Variants in WDR7 observed in about 807,000 individuals in gnomAD.
WDR7 encodes WD repeat-containing protein 7.
In WDR7, 46 loss-of-function variants were observed where a neutral mutation model predicts 169.4. That is an observed-to-expected ratio of 0.27 (90% CI 0.21 to 0.35). WDR7 has a LOEUF of 0.35. Among genes scored for constraint, WDR7 ranks in the 10% least tolerant of loss-of-function variants. The pLI is 1.00. For missense variants in WDR7, 1,534 were observed against 1,859.3 expected (o/e 0.83, Z 3.22); for synonymous variants, 612 against 666.8 (o/e 0.92, Z 1.27).
chr18:56,889,996 A>T (rs8083109), intron 21 of WDR7, among the ~76,000 whole-genome samples: 124,104 of 152,106 alleles, frequency 0.82, 51,029 homozygotes, highest in East Asian at 0.98. Context: ...ACATGGAAAA[A>T]GCCACATTTA....
chr18:56,801,149 T>C (rs1159178835), intron 19 of WDR7, among the ~76,000 whole-genome samples: 2 of 152,218 alleles, frequency 1.3e-5, no homozygotes, highest in African/African-American at 4.8e-5. Flanking sequence ...TCTTTGAATT[T>C]GAGAAATCTT....
In WDR7 at chr18:57,023,526, T is replaced by G. The variant is rs77900731; in HGVS notation, c.4269+2677T>G. ...ATTTCCTGTTGTGATGAATTATAGC[T>G]GTGTTTCTGTGTGTTCAGAAAATAA... On this transcript the variant is annotated intron_variant, in intron 27 of 27. Coordinates refer to ENST00000254442, the MANE Select transcript of WDR7 (RefSeq NM_015285.3). 8.2e-3 allele frequency among the ~76,000 whole-genome samples: 1,252 copies of G among 152,352 alleles called. 16 individuals carry two copies. The highest frequency in any genetic ancestry group is 0.029 in the African/African-American group (1,191 of 41,592).
At chr18:56,709,081 A>G (rs2026026959) in intron 12 of WDR7, among the ~76,000 whole-genome samples, 2 of 152,228 alleles carry the variant, frequency 1.3e-5, no homozygotes, top group Admixed American at 6.5e-5. Context: ...AGTGAAAAAT[A>G]AAGTAAGTTC....
At chr18:56,974,362 C>CTT (rs34901751) in intron 26 of WDR7, among the ~76,000 whole-genome samples, 1,396 of 111,768 alleles carry the variant, frequency 0.012, 70 homozygotes, top group African/African-American at 0.04. Flanking sequence ...GCTTTTCTTG[C>CTT]TTTTTTTTTT....
At chr18:56,876,341 A>G (rs372852904) in intron 20 of WDR7, among the ~76,000 whole-genome samples, 8 of 152,292 alleles carry the variant, frequency 5.3e-5, no homozygotes, top group Non-Finnish European at 1.2e-4. Context: ...CCTCCAATCA[A>G]GATGGCTCCG....
At chr18:56,751,068 T>A (rs1410443681) in intron 14 of WDR7, among the ~76,000 whole-genome samples, 1 of 152,192 alleles carries the variant, frequency 6.6e-6, no homozygotes, top group Non-Finnish European at 1.5e-5. Context: ...TTTCTTTTTT[T>A]AAACTCTTTT....
At chr18:56,680,799 T>G (rs567448666) in intron 3 of WDR7, among the ~76,000 whole-genome samples, 3 of 152,324 alleles carry the variant, frequency 2.0e-5, no homozygotes, top group African/African-American at 7.2e-5. Context: ...TAACTTTTGT[T>G]TTTTGCAGTT....
At position 56,827,944 on chromosome 18, in the gene WDR7, A is replaced by G. The variant is rs75828236; in HGVS notation, c.3304+11800A>G. Among the ~76,000 whole-genome samples, 1,069 of 152,334 alleles carry G rather than the reference A, an allele frequency of 7.0e-3. 15 individuals carry two copies. Among genetic ancestry groups the G allele is most frequent in the African/African-American group, 0.024 (1,005 of 41,578 alleles). ...GGAATGTTTTTAGAAGAACTGGAGCATAGTAAGTGCTCAATAAATATGATA... is the reference window on the plus strand; with the variant it reads ...GGAATGTTTTTAGAAGAACTGGAGCGTAGTAAGTGCTCAATAAATATGATA... On this transcript the variant is annotated intron_variant, in intron 20 of 27. Coordinates refer to ENST00000254442, the MANE Select transcript of WDR7 (RefSeq NM_015285.3).
chr18:57,005,972 A>G lies in WDR7; in HGVS notation c.4165-14773A>G, dbSNP rs138587816. 5.3e-3 allele frequency among the ~76,000 whole-genome samples: 802 copies of G among 152,348 alleles called. 3 individuals are homozygous for G. The highest frequency in any genetic ancestry group is 8.8e-3 in the Admixed American group (135 of 15,304). On this transcript the variant is annotated intron_variant, in intron 26 of 27. Coordinates refer to ENST00000254442, the MANE Select transcript of WDR7 (RefSeq NM_015285.3). ...TACTAAAAATTATTTTTGCTAATGC[A>G]AAGTTCATATATAAAGTCTTTTAAG...
At chr18:56,743,219 A>G (rs2043647308) in intron 14 of WDR7, among the ~76,000 whole-genome samples, 1 of 152,206 alleles carries the variant, frequency 6.6e-6, no homozygotes, top group Non-Finnish European at 1.5e-5. Flanking sequence ...TGCTTTGTTC[A>G]TGGTGAGTAT....
intron 24 of WDR7, among the ~76,000 whole-genome samples, chr18:56,939,010 A>G (rs1281741313): frequency 1.3e-5 from 2 of 152,152 alleles, no homozygotes; most frequent in African/African-American, 4.8e-5. Flanking sequence ...GACATCTTTC[A>G]TTATAAATAA....
At chr18:56,939,947 A>G (rs1460017903) in intron 25 of WDR7, among the ~76,000 whole-genome samples, 2 of 151,008 alleles carry the variant, frequency 1.3e-5, no homozygotes, top group Non-Finnish European at 1.5e-5. Flanking sequence ...TAATTTAATA[A>G]TTATATAGCA....
At chr18:56,970,594 C>T (rs1262755714) in intron 26 of WDR7, among the ~76,000 whole-genome samples, 1 of 152,174 alleles carries the variant, frequency 6.6e-6, no homozygotes, top group Non-Finnish European at 1.5e-5. Flanking sequence ...TCTGCTCCCA[C>T]GCATGCATAG....
intron 19 of WDR7, among the ~76,000 whole-genome samples, chr18:56,785,551 C>T (rs912241608): frequency 9.2e-5 from 14 of 152,054 alleles, no homozygotes; most frequent in South Asian, 2.1e-4. Context: ...AATCAGAAAA[C>T]GCTCTTACCT....
intron 20 of WDR7, among the ~76,000 whole-genome samples, chr18:56,856,478 G>A (rs924714169): frequency 6.6e-6 from 1 of 152,076 alleles, no homozygotes; most frequent in African/African-American, 2.4e-5. Flanking sequence ...AGGTTGCAGT[G>A]AGCTGAGATT....
intron 20 of WDR7, among the ~76,000 whole-genome samples, chr18:56,858,000 C>T (rs2045748622): frequency 1.3e-5 from 2 of 152,114 alleles, no homozygotes; most frequent in South Asian, 4.1e-4. Flanking sequence ...TTCCTTGTTA[C>T]ACTCATCATT....
At chr18:56,994,866 A>G (rs1276618254) in intron 26 of WDR7, among the ~76,000 whole-genome samples, 3 of 152,230 alleles carry the variant, frequency 2.0e-5, no homozygotes, top group Admixed American at 1.3e-4. Context: ...GGATTTTACA[A>G]ACTCACCAGA....
intron 19 of WDR7, among the ~76,000 whole-genome samples, chr18:56,795,245 C>A (rs752057053): frequency 6.6e-6 from 1 of 152,158 alleles, no homozygotes; most frequent in African/African-American, 2.4e-5. Context: ...CCCTGGTAAT[C>A]TTTGGTAGCC....
chr18:56,666,056 G>C (rs2025013871), intron 1 of WDR7, among the ~76,000 whole-genome samples: 1 of 152,056 alleles, frequency 6.6e-6, no homozygotes. Flanking sequence ...ATCTCTCTTG[G>C]GCTGAGGCAA....
Sources: allele counts gnomAD v4.1 joint callset (sites outside exome capture counted in the v4.1 genomes callset), GRCh38; gene constraint gnomAD v4.1.1; transcripts MANE v1.5; gene names NCBI Gene and HGNC (gene_info 2026-07-23, HGNC 2026-07-21).